SLC7A2: variants seen among roughly 807,000 people sequenced by gnomAD.
SLC7A2 encodes cationic amino acid transporter 2.
A neutral mutation model predicts 58.9 loss-of-function variants in SLC7A2; 48 were observed. The ratio of observed to expected loss-of-function variants is 0.82; its 90% CI spans 0.65 to 1.04. The LOEUF is 1.04. SLC7A2 is among the 50% of genes least tolerant of loss of function. The probability of loss-of-function intolerance (pLI) is 0.00; values close to 1 mark genes in which losing one functional copy is unlikely to be tolerated. For missense variants in SLC7A2, 1,029 were observed against 818.8 expected, an observed-to-expected ratio of 1.26 and a Z score of -3.13; for synonymous variants, 363 against 314.5, an observed-to-expected ratio of 1.15 and a Z score of -1.63.
At chr8:17,527,946 A>T (rs754914648) in intron 2 of SLC7A2, among the ~76,000 whole-genome samples, 1 of 152,178 alleles carries the variant, frequency 6.6e-6, no homozygotes, top group Non-Finnish European at 1.5e-5. Flanking sequence ...TTTATGTGAC[A>T]TAAAAATAGA....
At chr8:17,518,154 T>C (rs1385791559) in intron 2 of SLC7A2, among the ~76,000 whole-genome samples, 1 of 152,098 alleles carries the variant, frequency 6.6e-6, no homozygotes, top group Non-Finnish European at 1.5e-5. Context: ...GAATCCCCTT[T>C]CCTTTGAATT....
chr8:17,554,959 A>C, intron 8 of SLC7A2: 1 of 1,613,816 alleles, frequency 6.2e-7, no homozygotes, highest in Non-Finnish European at 8.5e-7. Context: ...TCTGGGCTCT[A>C]TGTTTCCTTT....
intron 2 of SLC7A2, chr8:17,538,905 C>T (rs763687276): frequency 7.4e-6 from 12 of 1,613,382 alleles, no homozygotes; most frequent in East Asian, 2.2e-5. Context: ...CACCGGTTTG[C>T]GACAGCAAGT....
In SLC7A2 at chr8:17,553,199, G is replaced by A. The variant is rs759900897; in HGVS notation, c.1055+1213G>A. On this transcript the variant is annotated intron_variant, in intron 7 of 12. Transcript: ENST00000494857. ...TCCTGAGTAGCTAGGATACAGGCAC[G>A]TAACACCATACCTGGTTAATTTTTT... Among the ~76,000 whole-genome samples, 14 of 152,176 alleles carry A rather than the reference G, an allele frequency of 9.2e-5. No individual in the cohort carries two copies. The East Asian group carries it at 9.7e-4, about 11-fold the overall frequency.
intron 2 of SLC7A2, among the ~76,000 whole-genome samples, chr8:17,511,502 A>G (rs941863065): frequency 3.3e-5 from 5 of 152,158 alleles, no homozygotes; most frequent in Admixed American, 6.5e-5. Flanking sequence ...TTTGAATTAG[A>G]CTAATACAGT....
intron 2 of SLC7A2, among the ~76,000 whole-genome samples, chr8:17,503,144 G>A (rs1271467242): frequency 6.6e-6 from 1 of 151,808 alleles, no homozygotes; most frequent in Non-Finnish European, 1.5e-5. Context: ...TCCGCCTCCC[G>A]GGTTCACGCC....
chr8:17,504,509 G>C (rs569973270), intron 2 of SLC7A2, among the ~76,000 whole-genome samples: 1 of 152,242 alleles, frequency 6.6e-6, no homozygotes, highest in East Asian at 1.9e-4. Flanking sequence ...ATAAAATTGA[G>C]GTCATTTTGA....
chr8:17,515,964 A>G (rs1800787650), intron 2 of SLC7A2, among the ~76,000 whole-genome samples: 1 of 152,108 alleles, frequency 6.6e-6, no homozygotes, highest in African/African-American at 2.4e-5. Flanking sequence ...CTCTTTTTAT[A>G]TGATATCCTT....
chr8:17,556,924 G>A (rs547074924), intron 8 of SLC7A2, among the ~76,000 whole-genome samples: 83 of 152,062 alleles, frequency 5.5e-4, no homozygotes, highest in Admixed American at 9.8e-4. Context: ...TTTTCAAAGT[G>A]AGGCACGCAG....
At chr8:17,509,078 G>C (rs2150662103) in intron 2 of SLC7A2, among the ~76,000 whole-genome samples, 1 of 152,236 alleles carries the variant, frequency 6.6e-6, no homozygotes, top group South Asian at 2.1e-4. Context: ...GTAGACATCA[G>C]CTGTAGTTGT....
rs1563490700 is a variant in SLC7A2, at chr8:17,566,461, C to G, written c.*1315C>G. ...TAGGAATATTTTTCTCCCCCTACCC[C>G]ATAAATTGTGTAGCACTTTTTATTC... On this transcript the variant is annotated 3_prime_UTR_variant, in exon 13 of 13. Transcript: ENST00000494857. 2.6e-5 allele frequency: 4 copies of G among 152,166 alleles called. No homozygotes were observed. Among genetic ancestry groups the G allele is most frequent in the Non-Finnish European group, 5.9e-5 (4 of 68,042 alleles). The allele number at this position is 152,166 out of a possible 1,614,324, so 9.4% of individuals were successfully genotyped here.
intron 2 of SLC7A2, chr8:17,510,702 T>C (rs938892944): frequency 2.2e-4 from 33 of 152,302 alleles, no homozygotes; most frequent in African/African-American, 7.5e-4. Flanking sequence ...TCCTCAAGGA[T>C]CTAGAGCCAG....
chr8:17,558,471 C>T, intron 9 of SLC7A2, 74 bp downstream of exon 9: 1 of 909,800 alleles, frequency 1.1e-6, no homozygotes, highest in Non-Finnish European at 1.7e-6. Flanking sequence ...AGCCCTCACT[C>T]TCCTGGCTTC....
chr8:17,512,152 G>A (rs1262474343), intron 2 of SLC7A2, among the ~76,000 whole-genome samples: 1 of 152,068 alleles, frequency 6.6e-6, no homozygotes, highest in African/African-American at 2.4e-5. Context: ...TCGTATGTCA[G>A]GCTTTAATTC....
intron 2 of SLC7A2, among the ~76,000 whole-genome samples, chr8:17,538,386 A>T (rs1365290371): frequency 6.6e-6 from 1 of 152,214 alleles, no homozygotes; most frequent in Non-Finnish European, 1.5e-5. Context: ...GTGAATATGG[A>T]AGAGTGTTCT....
intron 2 of SLC7A2, among the ~76,000 whole-genome samples, chr8:17,530,709 A>G (rs1229453154): frequency 6.6e-6 from 1 of 151,728 alleles, no homozygotes; most frequent in East Asian, 1.9e-4. Context: ...AATAGCTGGG[A>G]CTACAGGGAC....
chr8:17,550,092 T>G (rs1454528038), intron 5 of SLC7A2, among the ~76,000 whole-genome samples: 2 of 152,114 alleles, frequency 1.3e-5, no homozygotes, highest in African/African-American at 4.8e-5. Flanking sequence ...CAGCCTGTAA[T>G]TGGGTGTCAG....
chr8:17,496,161 C>T (rs1441751576), upstream of SLC7A2, among the ~76,000 whole-genome samples: 1 of 152,150 alleles, frequency 6.6e-6, no homozygotes, highest in South Asian at 2.1e-4. Context: ...GGCATGGTGG[C>T]TCAAGCCTGT....
intron 2 of SLC7A2, chr8:17,520,756 TA>T: frequency 7.6e-6 from 7 of 923,750 alleles, no homozygotes; most frequent in African/African-American, 1.9e-5. Context: ...TTGAGAGGAA[TA>T]AAAGGGTATC....
Sources: gnomAD v4.1 joint callset for allele counts (sites outside exome capture counted in the v4.1 genomes callset) on GRCh38, gnomAD v4.1.1 for gene constraint, MANE v1.5 for transcripts, NCBI Gene and HGNC (gene_info 2026-07-23, HGNC 2026-07-21) for gene names.